NDUFAF2: variants seen among roughly 807,000 people sequenced by gnomAD.
NDUFAF2 encodes NADH dehydrogenase [ubiquinone] 1 alpha subcomplex assembly factor 2.
In NDUFAF2, 13 loss-of-function variants were observed where a neutral mutation model predicts 22.8. The observed-to-expected ratio is 0.57, with a 90% CI of 0.37 to 0.91. The LOEUF is 0.91. Among genes scored for constraint, NDUFAF2 ranks in the 40% least tolerant of loss-of-function variants. The pLI, the probability that NDUFAF2 is intolerant of heterozygous loss-of-function variation, is 0.01. For synonymous variants in NDUFAF2, 53 were observed against 64.2 expected, an observed-to-expected ratio of 0.83 and a Z score of 0.84; for missense variants, 162 against 195.2, an observed-to-expected ratio of 0.83 and a Z score of 1.01.
At chr5:61,081,531 A>G (rs895439971) in intron 2 of NDUFAF2, among the ~76,000 whole-genome samples, 3 of 152,162 alleles carry the variant, frequency 2.0e-5, no homozygotes, top group South Asian at 2.1e-4. Context: ...ATTTGCCCCA[A>G]TCTCTTTAAC....
At chr5:61,100,546 C>T (rs1286420152) in intron 3 of NDUFAF2, among the ~76,000 whole-genome samples, 2 of 151,918 alleles carry the variant, frequency 1.3e-5, no homozygotes, top group Non-Finnish European at 2.9e-5. Flanking sequence ...TACACACACA[C>T]ACACACACAC....
intron 1 of NDUFAF2, among the ~76,000 whole-genome samples, chr5:60,955,673 T>C (rs1190805364): frequency 2.6e-5 from 4 of 152,220 alleles, no homozygotes; most frequent in Non-Finnish European, 5.9e-5. Flanking sequence ...ATGAGCACTT[T>C]AACAATATTA....
At chr5:61,003,950 A>G (rs1751332345) in intron 1 of NDUFAF2, among the ~76,000 whole-genome samples, 1 of 152,094 alleles carries the variant, frequency 6.6e-6, no homozygotes, top group Non-Finnish European at 1.5e-5. Flanking sequence ...TACAAGCACG[A>G]GCTACTGTGC....
intron 3 of NDUFAF2, among the ~76,000 whole-genome samples, chr5:61,110,892 C>G (rs907653817): frequency 6.6e-6 from 1 of 151,738 alleles, no homozygotes; most frequent in African/African-American, 2.4e-5. Flanking sequence ...TTTTGTAATT[C>G]TTTAACTTTC....
At chr5:61,136,506 A>G (rs1286023181) in intron 3 of NDUFAF2, among the ~76,000 whole-genome samples, 7 of 152,076 alleles carry the variant, frequency 4.6e-5, no homozygotes, top group Non-Finnish European at 1.0e-4. Context: ...ATATGTCTCA[A>G]TTCTAACCCC....
chr5:61,049,916 C>CAG (rs1554081290), intron 1 of NDUFAF2, among the ~76,000 whole-genome samples: 5 of 151,132 alleles, frequency 3.3e-5, no homozygotes, highest in East Asian at 1.9e-4. Context: ...CACACACACA[C>CAG]AGTCTGACAT....
chr5:61,034,496 C>A (rs1751771154), intron 1 of NDUFAF2, among the ~76,000 whole-genome samples: 2 of 152,124 alleles, frequency 1.3e-5, no homozygotes, highest in South Asian at 4.1e-4. Flanking sequence ...TATAATCTTA[C>A]AGGACCACTG....
At chr5:61,049,115 T>A (rs1041770026) in intron 1 of NDUFAF2, among the ~76,000 whole-genome samples, 1 of 152,156 alleles carries the variant, frequency 6.6e-6, no homozygotes, top group Non-Finnish European at 1.5e-5. Flanking sequence ...ATTTTAAGGA[T>A]CAATTATATC....
chr5:61,057,832 G>A (rs1752117666), intron 1 of NDUFAF2, among the ~76,000 whole-genome samples: 1 of 152,122 alleles, frequency 6.6e-6, no homozygotes, highest in African/African-American at 2.4e-5. Context: ...TTCATTAGAT[G>A]ATTATGTGAT....
intron 3 of NDUFAF2, among the ~76,000 whole-genome samples, chr5:61,106,682 C>G (rs1021245057): frequency 2.8e-4 from 42 of 150,648 alleles, no homozygotes; most frequent in Middle Eastern, 3.4e-3. Flanking sequence ...CCATTCCCAC[C>G]CCCCCTAACA....
chr5:60,984,230 T>C (rs1751034967), intron 1 of NDUFAF2, among the ~76,000 whole-genome samples: 1 of 152,224 alleles, frequency 6.6e-6, no homozygotes, highest in African/African-American at 2.4e-5. Flanking sequence ...ATGCCTGTGA[T>C]TTTTGCCCAT....
At chr5:61,088,221 C>T (rs1251997079) in intron 2 of NDUFAF2, among the ~76,000 whole-genome samples, 1 of 151,970 alleles carries the variant, frequency 6.6e-6, no homozygotes, top group African/African-American at 2.4e-5. Flanking sequence ...TACAGCCAGC[C>T]AGGGGGAAAA....
chr5:61,049,441 T>C (rs142949984), intron 1 of NDUFAF2, among the ~76,000 whole-genome samples: 141 of 152,264 alleles, frequency 9.3e-4, no homozygotes, highest in African/African-American at 3.3e-3. Context: ...TTTATTTAGT[T>C]GTGGTAAAAT....
intron 1 of NDUFAF2, among the ~76,000 whole-genome samples, chr5:60,993,773 C>G (rs535582095): frequency 6.6e-6 from 1 of 152,326 alleles, no homozygotes; most frequent in African/African-American, 2.4e-5. Flanking sequence ...GGTAGTTCCT[C>G]TTTGCAGCTT....
At chr5:61,018,488 A>T (rs189221306) in intron 1 of NDUFAF2, among the ~76,000 whole-genome samples, 1 of 152,200 alleles carries the variant, frequency 6.6e-6, no homozygotes, top group East Asian at 1.9e-4. Context: ...TGTGCCCAGA[A>T]GATTATTAAA....
chr5:61,100,144 A>G (rs1752689245), intron 3 of NDUFAF2, among the ~76,000 whole-genome samples: 1 of 152,098 alleles, frequency 6.6e-6, no homozygotes, highest in African/African-American at 2.4e-5. Flanking sequence ...ATAAAAGGCA[A>G]TATGATCCAG....
chr5:61,000,479 AAGTAAATGAC>A (rs1195081877), intron 1 of NDUFAF2, among the ~76,000 whole-genome samples: 1 of 152,124 alleles, frequency 6.6e-6, no homozygotes, highest in African/African-American at 2.4e-5. Flanking sequence ...TGTTTATGGT[AAGTAAATGAC>A]ATGTTAATAT....
In NDUFAF2 at chr5:61,108,609, T is replaced by G. The variant is rs1018250292; in HGVS notation, c.258+9577T>G. Among the ~76,000 whole-genome samples the G allele has an allele frequency of 9.5e-5, 14 of 147,848 alleles. 1 individual carries two copies. The highest frequency in any genetic ancestry group is 3.2e-4 in the African/African-American group (12 of 37,308). On this transcript the variant is annotated intron_variant, in intron 3 of 3. Coordinates refer to ENST00000296597, the MANE Select transcript of NDUFAF2 (RefSeq NM_174889.5). ...TTTCATAGTTTGAGGTCTTAAAGTC[T>G]TCGATCCATTTTGGTTTGATTGCTG...
intron 3 of NDUFAF2, among the ~76,000 whole-genome samples, chr5:61,134,600 G>A (rs950612210): frequency 5.3e-5 from 8 of 152,024 alleles, no homozygotes. Flanking sequence ...GCAGGAGAAT[G>A]GCATGAACCC....
Sources: gnomAD v4.1 joint callset for allele counts (sites outside exome capture counted in the v4.1 genomes callset) on GRCh38, gnomAD v4.1.1 for gene constraint, MANE v1.5 for transcripts, NCBI Gene and HGNC (gene_info 2026-07-23, HGNC 2026-07-21) for gene names.